The following CTDSPL variants were observed in gnomAD, a reference collection of about 807,000 sequenced individuals.
The protein encoded by CTDSPL is CTD small phosphatase-like protein.
CTDSPL carries 8 observed loss-of-function variants against 30.5 expected under a neutral mutation model. That is an observed-to-expected ratio of 0.26 (90% CI 0.15 to 0.47). CTDSPL has a LOEUF of 0.47. Ranked by LOEUF, CTDSPL falls within the 20% of genes least tolerant of loss-of-function variation. The pLI is 0.99. For missense variants in CTDSPL, 248 were observed against 366.1 expected, an observed-to-expected ratio of 0.68 and a Z score of 2.63; for synonymous variants, 110 against 137.9, an observed-to-expected ratio of 0.80 and a Z score of 1.42.
intron 2 of CTDSPL, among the ~76,000 whole-genome samples, chr3:37,951,617 G>A (rs1699109120): frequency 6.6e-6 from 1 of 151,868 alleles, no homozygotes; most frequent in South Asian, 2.1e-4. Flanking sequence ...GGAGGTCGAG[G>A]CTGCAGTGGG....
At chr3:37,940,528 A>G (rs1237353671) in intron 1 of CTDSPL, among the ~76,000 whole-genome samples, 3 of 150,496 alleles carry the variant, frequency 2.0e-5, no homozygotes, top group African/African-American at 7.3e-5. Flanking sequence ...ATGCTCAGGT[A>G]GGTATTTCTT....
chr3:37,875,249 T>C (rs969349925), intron 1 of CTDSPL, among the ~76,000 whole-genome samples: 4 of 152,236 alleles, frequency 2.6e-5, no homozygotes, highest in Non-Finnish European at 4.4e-5. Flanking sequence ...TAATAAGCAG[T>C]GGCCTTTCTG....
chr3:37,922,479 G>A (rs951149282), intron 1 of CTDSPL, among the ~76,000 whole-genome samples: 3 of 152,312 alleles, frequency 2.0e-5, no homozygotes, highest in South Asian at 2.1e-4. Context: ...GAAGATAGAT[G>A]TCAGGACAAC....
chr3:37,883,015 T>G (rs954786404), intron 1 of CTDSPL, among the ~76,000 whole-genome samples: 2 of 152,244 alleles, frequency 1.3e-5, no homozygotes, highest in African/African-American at 4.8e-5. Flanking sequence ...TGTAGCCAGA[T>G]AGTATGGGTG....
At chr3:37,867,953 T>G (rs761182295) in intron 1 of CTDSPL, among the ~76,000 whole-genome samples, 2 of 152,184 alleles carry the variant, frequency 1.3e-5, no homozygotes, top group Non-Finnish European at 2.9e-5. Flanking sequence ...TTGAGTTACC[T>G]TTTTCATTTC....
At chr3:37,949,915 A>C (rs1242543022) in intron 2 of CTDSPL, among the ~76,000 whole-genome samples, 4 of 152,198 alleles carry the variant, frequency 2.6e-5, no homozygotes, top group Non-Finnish European at 5.9e-5. Context: ...TCTGGTACTC[A>C]GTAAGAAGCA....
intron 1 of CTDSPL, among the ~76,000 whole-genome samples, chr3:37,864,479 C>A (rs752234950): frequency 5.3e-5 from 8 of 152,130 alleles, no homozygotes; most frequent in Non-Finnish European, 1.0e-4. Flanking sequence ...TAGAGGAATT[C>A]TTTACCTGCA....
intron 1 of CTDSPL, among the ~76,000 whole-genome samples, chr3:37,943,484 T>A (rs1300509649): frequency 6.7e-6 from 1 of 150,258 alleles, no homozygotes; most frequent in African/African-American, 2.4e-5. Context: ...AACTTTGGAA[T>A]GACTTTTGAT....
chr3:37,915,005 C>T (rs1698629691), intron 1 of CTDSPL, among the ~76,000 whole-genome samples: 1 of 150,300 alleles, frequency 6.7e-6, no homozygotes, highest in Non-Finnish European at 1.5e-5. Context: ...CTGCCTTGGC[C>T]TTCCAAAGTG....
chr3:37,876,405 G>T (rs992605224), intron 1 of CTDSPL, among the ~76,000 whole-genome samples: 8 of 152,156 alleles, frequency 5.3e-5, no homozygotes, highest in Non-Finnish European at 8.8e-5. Flanking sequence ...AATATTATCT[G>T]TGGTGGTACC....
At chr3:37,968,073 A>G (rs536450769) in intron 5 of CTDSPL, 191 bp downstream of exon 5, 46 of 551,418 alleles carry the variant, frequency 8.3e-5, no homozygotes, top group Admixed American at 6.5e-4. Flanking sequence ...GATTATAAGG[A>G]AACTATAGTC....
At chr3:37,924,140 A>T (rs1698753257) in intron 1 of CTDSPL, among the ~76,000 whole-genome samples, 1 of 152,228 alleles carries the variant, frequency 6.6e-6, no homozygotes. Flanking sequence ...CTTCGTCCTA[A>T]AACTCTTGAG....
intron 1 of CTDSPL, among the ~76,000 whole-genome samples, chr3:37,924,133 C>T (rs992974916): frequency 6.6e-6 from 1 of 152,224 alleles, no homozygotes; most frequent in Non-Finnish European, 1.5e-5. Flanking sequence ...AGAGTTTCTT[C>T]GTCCTAAAAC....
At chr3:37,912,232 C>T (rs1295401578) in intron 1 of CTDSPL, among the ~76,000 whole-genome samples, 3 of 152,184 alleles carry the variant, frequency 2.0e-5, no homozygotes, top group African/African-American at 7.2e-5. Context: ...CATGGCTTCC[C>T]CCTAGTGGAG....
At chr3:37,866,901 T>C (rs1178340913) in intron 1 of CTDSPL, among the ~76,000 whole-genome samples, 3 of 152,254 alleles carry the variant, frequency 2.0e-5, no homozygotes, top group African/African-American at 7.2e-5. Flanking sequence ...TATTAAACTT[T>C]TTATTTGGAG....
intron 4 of CTDSPL, among the ~76,000 whole-genome samples, chr3:37,966,796 C>T (rs988407947): frequency 1.3e-5 from 2 of 152,130 alleles, no homozygotes; most frequent in Non-Finnish European, 2.9e-5. Context: ...AAGCAGACTT[C>T]GGTTCAGAGT....
In CTDSPL at chr3:37,916,453, AGTT is replaced by A. The variant is rs1698648092; in HGVS notation, c.80-30603_80-30601del. The stretch of plus-strand genomic sequence containing the variant: ...GAAATAGGTCGTTGCAAATGTAAGT[AGTT>A]AAGGTAAGGTCGTACTGGAGGAGGG... On this transcript the variant is annotated intron_variant, in intron 1 of 7. Coordinates refer to ENST00000273179, the MANE Select transcript of CTDSPL (RefSeq NM_001008392.2). 3.9e-5 allele frequency among the ~76,000 whole-genome samples: 6 copies of A among 152,326 alleles called. No individual in the cohort carries two copies. In the South Asian group the frequency reaches 1.2e-3, roughly 32 times the overall value.
Position 37,957,146 on chromosome 3 carries a change from A to G in CTDSPL, c.267+3A>G, listed in dbSNP as rs1312327593. On this transcript the variant is annotated splice_donor_region_variant and intron_variant, in intron 3 of 7. Transcript: ENST00000273179. ...GGCAGGTCATTCCCATACCAAGTGT[A>G]TGTATATTTATCTAATTTTATTTAT... is the stretch of plus-strand genomic sequence containing the variant. The G allele has an allele frequency of 1.3e-6, 2 of 1,573,234 alleles. No homozygotes were observed. The highest frequency in any genetic ancestry group is 1.8e-5 in the Admixed American group (1 of 55,868).
At chr3:37,904,665 T>C (rs937554410) in intron 1 of CTDSPL, among the ~76,000 whole-genome samples, 1 of 152,184 alleles carries the variant, frequency 6.6e-6, no homozygotes, top group Non-Finnish European at 1.5e-5. Flanking sequence ...GGCTCTCTGC[T>C]CAGCCCCCTT....
Sources: allele counts gnomAD v4.1 joint callset (sites outside exome capture counted in the v4.1 genomes callset), GRCh38; gene constraint gnomAD v4.1.1; transcripts MANE v1.5; gene names NCBI Gene and HGNC (gene_info 2026-07-23, HGNC 2026-07-21).